AGBL4: variants seen among roughly 807,000 people sequenced by gnomAD.
The protein encoded by AGBL4 is AGBL carboxypeptidase 4, also known as cytosolic carboxypeptidase 6.
AGBL4 carries 58 observed loss-of-function variants against 66.4 expected under a neutral mutation model. That is an observed-to-expected ratio of 0.87 (90% CI 0.71 to 1.09). The LOEUF (loss-of-function observed/expected upper bound fraction) is 1.09. AGBL4 is among the 50% of genes least tolerant of loss of function. AGBL4 has a pLI of 0.00. For synonymous variants in AGBL4, 234 were observed against 222.9 expected (o/e 1.05, Z -0.44); for missense variants, 579 against 631.0 (o/e 0.92, Z 0.88).
At chr1:49,019,130 A>C (rs1015954251) in intron 5 of AGBL4, among the ~76,000 whole-genome samples, 7 of 152,198 alleles carry the variant, frequency 4.6e-5, no homozygotes, top group African/African-American at 1.7e-4. Flanking sequence ...GAAGGTAGTG[A>C]GTTCTCTGTG....
chr1:49,783,591 C>G (rs1440518932), intron 2 of AGBL4, among the ~76,000 whole-genome samples: 1 of 152,096 alleles, frequency 6.6e-6, no homozygotes, highest in Non-Finnish European at 1.5e-5. Flanking sequence ...ATATCACAAA[C>G]AAGATAAGGA....
intron 4 of AGBL4, among the ~76,000 whole-genome samples, chr1:49,059,299 G>A (rs569450223): frequency 7.2e-5 from 11 of 152,346 alleles, no homozygotes; most frequent in South Asian, 6.2e-4. Context: ...TTGGACCATC[G>A]CTTCAGAGGG....
At chr1:49,371,411 C>A (rs1644343065) in intron 3 of AGBL4, among the ~76,000 whole-genome samples, 1 of 152,116 alleles carries the variant, frequency 6.6e-6, no homozygotes, top group South Asian at 2.1e-4. Flanking sequence ...TGTTTTACAA[C>A]TGTACATACG....
chr1:49,567,549 T>C (rs1644238252), intron 3 of AGBL4, among the ~76,000 whole-genome samples: 2 of 152,280 alleles, frequency 1.3e-5, no homozygotes, highest in African/African-American at 4.8e-5. Flanking sequence ...AAAAATATTA[T>C]TATGATTTTA....
intron 4 of AGBL4, among the ~76,000 whole-genome samples, chr1:49,098,871 A>G (rs1296636640): frequency 2.0e-5 from 3 of 152,216 alleles, no homozygotes; most frequent in African/African-American, 7.2e-5. Flanking sequence ...ATTTTGATAC[A>G]TGGCAATATG....
chr1:48,835,658 C>G (rs1050466018), intron 6 of AGBL4, among the ~76,000 whole-genome samples: 12 of 152,084 alleles, frequency 7.9e-5, no homozygotes, highest in Admixed American at 1.3e-4. Context: ...CTTAATAAGC[C>G]TCTGCCAATT....
In AGBL4 at chr1:49,589,608, G is replaced by A. The variant is rs888628084; in HGVS notation, c.282+107705C>T. Reference sequence around the variant, plus strand: ...GGAAAAATTGAACATCAATTAAAATGGAAATTATATAATATTTCATATAAT... The same window carrying A: ...GGAAAAATTGAACATCAATTAAAATAGAAATTATATAATATTTCATATAAT... On this transcript the variant is annotated intron_variant, in intron 3 of 13. Transcript: ENST00000371839. 4.6e-5 allele frequency among the ~76,000 whole-genome samples: 7 copies of A among 151,966 alleles called. No homozygotes were observed. The East Asian group carries it at 1.3e-3, about 29-fold the overall frequency.
intron 6 of AGBL4, among the ~76,000 whole-genome samples, chr1:48,811,204 A>C (rs1464371802): frequency 6.6e-6 from 1 of 152,068 alleles, no homozygotes; most frequent in East Asian, 1.9e-4. Flanking sequence ...GGTGGATGCT[A>C]GATGGAGCAA....
At chr1:48,544,396 A>C (rs1187645594) in intron 11 of AGBL4, among the ~76,000 whole-genome samples, 2 of 152,234 alleles carry the variant, frequency 1.3e-5, no homozygotes, top group Admixed American at 6.5e-5. Context: ...GGAGGCAGAT[A>C]TATTTAATCC....
chr1:50,004,403 T>C (rs1024007759), intron 1 of AGBL4, among the ~76,000 whole-genome samples: 2 of 152,160 alleles, frequency 1.3e-5, no homozygotes, highest in South Asian at 2.1e-4. Context: ...TGGTGCTATG[T>C]TGGGCTTGGA....
chr1:49,811,240 G>A (rs1315748445), intron 2 of AGBL4, among the ~76,000 whole-genome samples: 1 of 152,108 alleles, frequency 6.6e-6, no homozygotes, highest in Non-Finnish European at 1.5e-5. Flanking sequence ...TGTGTGCTCT[G>A]CAGACTTCCT....
intron 3 of AGBL4, among the ~76,000 whole-genome samples, chr1:49,645,274 T>C (rs911857104): frequency 8.6e-5 from 13 of 151,320 alleles, no homozygotes; most frequent in Admixed American, 7.3e-4. Flanking sequence ...ATATGGAAAA[T>C]TGATTAAACA....
chr1:49,203,244 G>A (rs1391209265), intron 4 of AGBL4, among the ~76,000 whole-genome samples: 1 of 152,032 alleles, frequency 6.6e-6, no homozygotes, highest in South Asian at 2.1e-4. Context: ...TAGAACTACA[G>A]TATGATCCAG....
intron 6 of AGBL4, among the ~76,000 whole-genome samples, chr1:48,715,233 C>T (rs370293131): frequency 1.3e-5 from 2 of 152,080 alleles, no homozygotes; most frequent in African/African-American, 4.8e-5. Context: ...TACCCCTCCT[C>T]GGGCCCAGCT....
chr1:48,657,655 G>T (rs1052183963), intron 7 of AGBL4, among the ~76,000 whole-genome samples: 1 of 152,128 alleles, frequency 6.6e-6, no homozygotes, highest in Non-Finnish European at 1.5e-5. Context: ...TGCAGTGGGT[G>T]GACAGCAAAC....
intron 1 of AGBL4, among the ~76,000 whole-genome samples, chr1:49,882,001 T>C (rs1338212283): frequency 6.6e-6 from 1 of 152,134 alleles, no homozygotes; most frequent in Non-Finnish European, 1.5e-5. Flanking sequence ...GGTTTTCTTC[T>C]AGGGTTTTTA....
chr1:49,379,224 A>C (rs1199619854), intron 3 of AGBL4, among the ~76,000 whole-genome samples: 3 of 152,150 alleles, frequency 2.0e-5, no homozygotes, highest in African/African-American at 7.2e-5. Context: ...CTGATCTTCT[A>C]TCATTCCCCA....
chr1:49,223,766 A>G (rs1187828572), intron 4 of AGBL4, among the ~76,000 whole-genome samples: 1 of 152,184 alleles, frequency 6.6e-6, no homozygotes, highest in Non-Finnish European at 1.5e-5. Context: ...TTAGGTCACG[A>G]ATACTTCTTA....
At chr1:48,759,888 C>T (rs1644163053) in intron 6 of AGBL4, among the ~76,000 whole-genome samples, 1 of 152,208 alleles carries the variant, frequency 6.6e-6, no homozygotes, top group Non-Finnish European at 1.5e-5. Context: ...TGCCTACTCA[C>T]TCAGAACTGG....
Sources: allele counts gnomAD v4.1 joint callset (sites outside exome capture counted in the v4.1 genomes callset), GRCh38; gene constraint gnomAD v4.1.1; transcripts MANE v1.5; gene names NCBI Gene and HGNC (gene_info 2026-07-23, HGNC 2026-07-21).